ADAMTSL1: variants seen among roughly 807,000 people sequenced by gnomAD.
ADAMTSL1 encodes ADAMTS like 1.
A neutral mutation model predicts 201.8 loss-of-function variants in ADAMTSL1; 126 were observed. The ratio of observed to expected loss-of-function variants is 0.62; its 90% CI spans 0.54 to 0.72. The LOEUF (loss-of-function observed/expected upper bound fraction) is 0.72. Among genes scored for constraint, ADAMTSL1 ranks in the 30% least tolerant of loss-of-function variants. The probability of loss-of-function intolerance (pLI) is 0.00; values close to 1 mark genes in which losing one functional copy is unlikely to be tolerated. For synonymous variants in ADAMTSL1, 1,121 were observed against 903.4 expected (o/e 1.24, Z -4.32); for missense variants, 2,679 against 2,277.8 (o/e 1.18, Z -3.59).
intron 2 of ADAMTSL1, among the ~76,000 whole-genome samples, chr9:18,354,977 TAAAC>T (rs147464985): frequency 0.011 from 1,636 of 151,936 alleles, 11 homozygotes; most frequent in Non-Finnish European, 0.015. Flanking sequence ...TCTCTATAAA[TAAAC>T]AAACAAACAA....
intron 2 of ADAMTSL1, among the ~76,000 whole-genome samples, chr9:18,461,227 T>C (rs1820794636): frequency 6.6e-6 from 1 of 152,184 alleles, no homozygotes; most frequent in Non-Finnish European, 1.5e-5. Flanking sequence ...ATTGCGTATA[T>C]TTTAACATAT....
intron 4 of ADAMTSL1, among the ~76,000 whole-genome samples, chr9:18,592,975 GC>G (rs1412073687): frequency 6.6e-6 from 1 of 151,872 alleles, no homozygotes; most frequent in African/African-American, 2.4e-5. Flanking sequence ...TTTATTTGTA[GC>G]TATTGTAAAT....
intron 1 of ADAMTSL1, among the ~76,000 whole-genome samples, chr9:18,501,520 A>G (rs1217235374): frequency 6.6e-6 from 1 of 151,772 alleles, no homozygotes; most frequent in Non-Finnish European, 1.5e-5. Context: ...AAAAAAAAAA[A>G]AAAAGTAAAA....
chr9:18,057,688 T>C (rs1822259810), intron 1 of ADAMTSL1, among the ~76,000 whole-genome samples: 1 of 152,204 alleles, frequency 6.6e-6, no homozygotes, highest in Non-Finnish European at 1.5e-5. Context: ...CCACCACCCA[T>C]GTTCTCTGGG....
chr9:18,241,749 A>G (rs1944744), intron 2 of ADAMTSL1, among the ~76,000 whole-genome samples: 49,227 of 151,854 alleles, frequency 0.32, 8,153 homozygotes, highest in Admixed American at 0.4. Context: ...GCAGTTATAT[A>G]CCAAAAAATG....
chr9:18,897,083 G>C (rs1411568510), intron 26 of ADAMTSL1, among the ~76,000 whole-genome samples: 1 of 152,206 alleles, frequency 6.6e-6, no homozygotes, highest in African/African-American at 2.4e-5. Context: ...GCCCAGGTGA[G>C]GAGAAGTCCC....
At chr9:18,336,104 C>G (rs530973923) in intron 2 of ADAMTSL1, among the ~76,000 whole-genome samples, 3 of 152,064 alleles carry the variant, frequency 2.0e-5, no homozygotes, top group African/African-American at 4.8e-5. Context: ...TTTACATAAG[C>G]CTTATCCCAA....
intron 4 of ADAMTSL1, chr9:18,574,556 A>C (rs1330332914): frequency 1.8e-6 from 1 of 542,366 alleles, no homozygotes; most frequent in Non-Finnish European, 3.2e-6. Flanking sequence ...CTTTGAAATT[A>C]TCCCCTGGAT....
rs147332497 is a variant in ADAMTSL1 at position 18,650,631 on chromosome 9, T to C, written c.835-7008T>C. Among the ~76,000 whole-genome samples the C allele has an allele frequency of 4.6e-5, 7 of 152,336 alleles. No individual in the cohort carries two copies. The East Asian group carries it at 1.4e-3, about 29-fold the overall frequency. ...GTGCAAAAGGAAGATTTTGTGACAG[T>C]GAGCAATTGTTATATATTGCCCTTA... On this transcript the variant is annotated intron_variant, in intron 7 of 28. Transcript: ENST00000380548.
At chr9:18,046,711 T>C (rs10810894) in intron 1 of ADAMTSL1, among the ~76,000 whole-genome samples, 19,065 of 152,196 alleles carry the variant, frequency 0.13, 2,007 homozygotes, top group East Asian at 0.37. Context: ...ATTTATTGAA[T>C]TCTACCTGCT....
Position 18,829,947 on chromosome 9 carries a change from G to T in ADAMTSL1, c.4219G>T (p.Val1407Phe). 6.2e-7 allele frequency: 1 copy of T among 1,613,324 alleles called. No individual in the cohort carries two copies. Among genetic ancestry groups the T allele is most frequent in the Non-Finnish European group, 8.5e-7 (1 of 1,179,666 alleles). ...VLTSPLGTQLVLDPGNSALLG... is the reference protein window; with the variant it reads ...VLTSPLGTQLFLDPGNSALLG... The stretch of plus-strand genomic sequence containing the variant: ...GACGTCTCCTCTGGGAACACAGCTG[G>T]TCCTGGATCCTGGGAATTCTGCTCT... The change falls in exon 23 of 29, where the codon GTC becomes TTC. Residue 1407 changes from valine to phenylalanine, a missense_variant. Transcript: ENST00000380548.
At chr9:18,643,332 A>G (rs1337700270) in intron 7 of ADAMTSL1, among the ~76,000 whole-genome samples, 1 of 151,982 alleles carries the variant, frequency 6.6e-6, no homozygotes, top group Non-Finnish European at 1.5e-5. Context: ...CCTTATCAGA[A>G]GTGTGATTTG....
chr9:18,295,958 A>G (rs1833463709), intron 2 of ADAMTSL1, among the ~76,000 whole-genome samples: 1 of 152,218 alleles, frequency 6.6e-6, no homozygotes, highest in Admixed American at 6.5e-5. Flanking sequence ...CCTTAGTATT[A>G]CTAATATAAC....
rs113874756 is a variant in ADAMTSL1, at chr9:18,409,105, C to T, written c.208-95724C>T. On this transcript the variant is annotated intron_variant, in intron 2 of 29. Coordinates refer to the ADAMTSL1 transcript ENST00000680146. Reference sequence around the variant, plus strand: ...CAAATCGGAAGACTGACATCCAGGCCGGGCACAGTGGCTCACACCTGTAAT... The same window carrying T: ...CAAATCGGAAGACTGACATCCAGGCTGGGCACAGTGGCTCACACCTGTAAT... Among the ~76,000 whole-genome samples, 584 of 151,884 alleles carry T rather than the reference C, an allele frequency of 3.8e-3. 5 individuals carry two copies. The highest frequency in any genetic ancestry group is 0.013 in the African/African-American group (554 of 41,430).
intron 26 of ADAMTSL1, among the ~76,000 whole-genome samples, chr9:18,895,456 G>C (rs547567650): frequency 1.6e-5 from 2 of 121,736 alleles, no homozygotes; most frequent in Middle Eastern, 4.5e-3. Context: ...GCATGGTTTT[G>C]ATCTTAACAA....
rs200851150 is a variant in ADAMTSL1 at position 18,867,636 on chromosome 9, C to CT, written c.4250-20185dup. Among the ~76,000 whole-genome samples the CT allele has an allele frequency of 4.7e-4, 70 of 149,054 alleles. No individual in the cohort carries two copies. In the South Asian group the frequency reaches 4.9e-3, roughly 10 times the overall value. ...TGTATATACATTGAAATGCGTACAT[C>CT]TTTTTTTTTTAGATGGAGTCTTGCT... On this transcript the variant is annotated intron_variant, in intron 23 of 28. Transcript: ENST00000380548.
intron 3 of ADAMTSL1, among the ~76,000 whole-genome samples, chr9:18,552,725 A>C (rs1820862066): frequency 6.6e-6 from 1 of 151,656 alleles, no homozygotes; most frequent in African/African-American, 2.4e-5. Flanking sequence ...TATACATTTA[A>C]AATTGTTTGA....
At chr9:18,053,682 A>T (rs1035901154) in intron 1 of ADAMTSL1, among the ~76,000 whole-genome samples, 14 of 152,164 alleles carry the variant, frequency 9.2e-5, no homozygotes, top group African/African-American at 2.9e-4. Flanking sequence ...TGTCACTCCC[A>T]TGTTACATTC....
intron 1 of ADAMTSL1, among the ~76,000 whole-genome samples, chr9:17,976,042 T>C (rs1818433232): frequency 6.6e-6 from 1 of 152,086 alleles, no homozygotes; most frequent in Non-Finnish European, 1.5e-5. Flanking sequence ...ATGTGTGAAT[T>C]TATTTCTGGG....
Sources: gnomAD v4.1 joint callset for allele counts (sites outside exome capture counted in the v4.1 genomes callset) on GRCh38, gnomAD v4.1.1 for gene constraint, MANE v1.5 for transcripts, NCBI Gene and HGNC (gene_info 2026-07-23, HGNC 2026-07-21) for gene names.